The following RAD51B variants were observed in gnomAD, a reference collection of about 807,000 sequenced individuals.
RAD51B encodes the protein DNA repair protein RAD51 homolog 2.
A neutral mutation model predicts 42.2 loss-of-function variants in RAD51B; 38 were observed. The observed-to-expected ratio is 0.90, with a 90% CI of 0.70 to 1.18. RAD51B has a LOEUF of 1.18. RAD51B is among the 50% of genes most tolerant of loss of function. The pLI is 0.00. For missense variants in RAD51B, 373 were observed against 400.7 expected (o/e 0.93, Z 0.59); for synonymous variants, 154 against 145.2 (o/e 1.06, Z -0.43).
At chr14:68,200,491 A>G (rs538823222) in intron 7 of RAD51B, among the ~76,000 whole-genome samples, 1 of 152,242 alleles carries the variant, frequency 6.6e-6, no homozygotes, top group Non-Finnish European at 1.5e-5. Context: ...AGAGCAAAAA[A>G]TGCTGAGGAA....
intron 10 of RAD51B, among the ~76,000 whole-genome samples, chr14:68,578,272 G>T (rs55987972): frequency 6.6e-6 from 1 of 151,916 alleles, no homozygotes; most frequent in Non-Finnish European, 1.5e-5. Context: ...TTGGCTGGGC[G>T]TGGTGGCATG....
intron 7 of RAD51B, among the ~76,000 whole-genome samples, chr14:68,103,940 T>TA (rs1256557283): frequency 6.6e-6 from 1 of 152,198 alleles, no homozygotes; most frequent in East Asian, 1.9e-4. Context: ...CATTTTTCAG[T>TA]ATTAGGGTTG....
At chr14:68,414,901 G>A (rs1316328028) in intron 9 of RAD51B, among the ~76,000 whole-genome samples, 15 of 146,162 alleles carry the variant, frequency 1.0e-4, no homozygotes, top group African/African-American at 1.5e-4. Context: ...GCGTGGTGGC[G>A]CATACCTGTA....
At chr14:67,922,687 C>CTTTTTTTTTTTTTTTTTTTTT (rs34206440) in intron 7 of RAD51B, among the ~76,000 whole-genome samples, 2 of 132,516 alleles carry the variant, frequency 1.5e-5, no homozygotes, top group African/African-American at 2.8e-5. Flanking sequence ...AATATGTAGT[C>CTTTTTTTTTTTTTTTTTTTTT]TTTTTTTTTT....
At chr14:67,983,826 T>C (rs909106052) in intron 7 of RAD51B, among the ~76,000 whole-genome samples, 3 of 133,046 alleles carry the variant, frequency 2.3e-5, no homozygotes, top group Non-Finnish European at 3.0e-5. Flanking sequence ...GTGCTGAAAA[T>C]TGTTAGGCAT....
At chr14:68,374,984 A>T (rs1174874585) in intron 8 of RAD51B, among the ~76,000 whole-genome samples, 1 of 151,264 alleles carries the variant, frequency 6.6e-6, no homozygotes, top group Admixed American at 6.6e-5. Context: ...AAATAATCAC[A>T]CCCATTAGCT....
chr14:67,906,741 C>T (rs1193859485), intron 7 of RAD51B, among the ~76,000 whole-genome samples: 1 of 151,820 alleles, frequency 6.6e-6, no homozygotes, highest in Non-Finnish European at 1.5e-5. Context: ...CTGGTAATGT[C>T]CCCTTTGTGT....
At chr14:68,134,873 T>G (rs1237133051) in intron 7 of RAD51B, among the ~76,000 whole-genome samples, 1 of 152,062 alleles carries the variant, frequency 6.6e-6, no homozygotes, top group Non-Finnish European at 1.5e-5. Flanking sequence ...TCCCATTCTG[T>G]AAACTACCTT....
chr14:68,422,136 A>G, intron 9 of RAD51B: 1 of 1,409,076 alleles, frequency 7.1e-7, no homozygotes, highest in Non-Finnish European at 1.0e-6. Flanking sequence ...AGCTCGAAGG[A>G]GACATGGCCC....
intron 8 of RAD51B, among the ~76,000 whole-genome samples, chr14:68,406,918 T>C (rs952535453): frequency 6.6e-6 from 1 of 152,138 alleles, no homozygotes; most frequent in Non-Finnish European, 1.5e-5. Flanking sequence ...ACAGGATCAA[T>C]ATCATCAATA....
At chr14:67,854,744 C>G (rs1009522646) in intron 4 of RAD51B, among the ~76,000 whole-genome samples, 1 of 151,962 alleles carries the variant, frequency 6.6e-6, no homozygotes, top group African/African-American at 2.4e-5. Context: ...AGAAGGATCG[C>G]TTGAGGCCAG....
intron 11 of RAD51B, among the ~76,000 whole-genome samples, chr14:68,663,738 A>G (rs2877498): frequency 0.8 from 121,190 of 152,022 alleles, 48,393 homozygotes; most frequent in East Asian, 0.86. Flanking sequence ...TGAGAATAGC[A>G]TAAGAGTTAA....
chr14:68,163,082 A>G (rs2078676581), intron 7 of RAD51B, among the ~76,000 whole-genome samples: 1 of 152,234 alleles, frequency 6.6e-6, no homozygotes, highest in Admixed American at 6.5e-5. Flanking sequence ...GCATATCTGA[A>G]TGAATCCAGG....
At chr14:67,901,338 T>C (rs10148527) in intron 7 of RAD51B, among the ~76,000 whole-genome samples, 69,112 of 152,066 alleles carry the variant, frequency 0.45, 17,477 homozygotes, top group African/African-American at 0.66. Context: ...ATTGCGCCTG[T>C]GCCTAAGTTG....
chr14:67,984,128 A>G (rs1403388981), intron 7 of RAD51B, among the ~76,000 whole-genome samples: 1 of 152,040 alleles, frequency 6.6e-6, no homozygotes, highest in Non-Finnish European at 1.5e-5. Flanking sequence ...TAGTAGAGAC[A>G]GGGTTTCACC....
intron 9 of RAD51B, among the ~76,000 whole-genome samples, chr14:68,415,253 A>G (rs1299152508): frequency 6.6e-6 from 1 of 152,080 alleles, no homozygotes; most frequent in East Asian, 1.9e-4. Flanking sequence ...CTTAAATAAT[A>G]GATAAGATTC....
chr14:68,540,549 AT>A (rs1159228884), intron 10 of RAD51B: 1 of 985,272 alleles, frequency 1.0e-6, no homozygotes, highest in East Asian at 1.1e-4. Context: ...TCATCAAACA[AT>A]AAGTATTTGC....
intron 11 of RAD51B, among the ~76,000 whole-genome samples, chr14:68,678,646 A>G (rs1355962255): frequency 1.3e-5 from 2 of 151,986 alleles, no homozygotes; most frequent in Non-Finnish European, 2.9e-5. Flanking sequence ...TCAGCTTTTC[A>G]TGGGGATGGG....
chr14:68,594,492 A>G (rs1291245502), exon 11 of RAD51B: 1 of 1,368,568 alleles, frequency 7.3e-7, no homozygotes, highest in Non-Finnish European at 9.7e-7. Context: ...TAGAGACAAC[A>G]TTTTGCTCTG....
Sources: gnomAD v4.1 joint callset for allele counts (sites outside exome capture counted in the v4.1 genomes callset) on GRCh38, gnomAD v4.1.1 for gene constraint, MANE v1.5 for transcripts, NCBI Gene and HGNC (gene_info 2026-07-23, HGNC 2026-07-21) for gene names.